Variants in ZNF626 observed in about 807,000 individuals in gnomAD.
ZNF626 encodes the protein zinc finger protein 626, also known as CTC-513N18.7.
ZNF626 carries 4 observed loss-of-function variants against 11.7 expected under a neutral mutation model. That is an observed-to-expected ratio of 0.34 (90% CI 0.17 to 0.78). The LOEUF is 0.78. Among genes scored for constraint, ZNF626 ranks in the 30% least tolerant of loss-of-function variants. The probability of loss-of-function intolerance (pLI) is 0.57; values close to 1 mark genes in which losing one functional copy is unlikely to be tolerated. For synonymous variants in ZNF626, 179 were observed against 198.6 expected (o/e 0.90, Z 0.83); for missense variants, 588 against 587.1 (o/e 1.00, Z -0.01).
intron 1 of ZNF626, among the ~76,000 whole-genome samples, chr19:20,658,890 T>C (rs902012302): frequency 6.6e-6 from 1 of 152,162 alleles, no homozygotes; most frequent in Non-Finnish European, 1.5e-5. Context: ...AAAACCTCCC[T>C]GAAGTTCAAT....
In ZNF626 at chr19:20,625,337, T is replaced by A. The variant is rs73002662; in HGVS notation, c.540A>T (p.Lys180Asn). The A allele has an allele frequency of 1.9e-6, 3 of 1,613,724 alleles. No homozygotes were observed. Among genetic ancestry groups the A allele is most frequent in the Non-Finnish European group, 2.5e-6 (3 of 1,179,880 alleles). The change falls in exon 4 of 4, where the codon AAA becomes AAT. Residue 180 changes from lysine to asparagine, a missense_variant. Physicochemically the swap from Lys to Asn is moderately conservative, Grantham distance 94. Coordinates refer to ENST00000601440, the MANE Select transcript of ZNF626 (RefSeq NM_001076675.3). The part of the protein sequence containing the change: ...KKPFKYIECG[K>N]AFKQFSTLTT... ...TAAGAGTTGAGAACTGCTTAAAAGC[T>A]TTGCCACATTCTATATATTTGAAAG...
chr19:20,639,146 G>C (rs562871476), intron 3 of ZNF626, among the ~76,000 whole-genome samples: 1 of 152,166 alleles, frequency 6.6e-6, no homozygotes, highest in African/African-American at 2.4e-5. Flanking sequence ...TTCTTTTAAG[G>C]AACCTACTCT....
intron 1 of ZNF626, among the ~76,000 whole-genome samples, chr19:20,648,945 A>G (rs1970115648): frequency 1.3e-5 from 2 of 152,254 alleles, no homozygotes; most frequent in South Asian, 4.1e-4. Flanking sequence ...AATATTTTTC[A>G]GACTCTTGAC....
intron 3 of ZNF626, among the ~76,000 whole-genome samples, chr19:20,632,483 G>A (rs1354935740): frequency 3.3e-5 from 5 of 152,086 alleles, no homozygotes; most frequent in African/African-American, 7.2e-5. Flanking sequence ...GGCTTTGTTC[G>A]TTTCTTTTTA....
chr19:20,633,633 G>T (rs576007378), intron 3 of ZNF626, among the ~76,000 whole-genome samples: 1 of 152,160 alleles, frequency 6.6e-6, no homozygotes, highest in Non-Finnish European at 1.5e-5. Context: ...TTTTAAGCCC[G>T]TTGGAAAAGC....
Position 20,624,199 on chromosome 19 carries a change from G to T in ZNF626, c.*91C>A. ...TTCACATCTGTAGGGTTTTTTTCCA[G>T]TATGAATTTTCTTATGTGTAGTAAG... is the stretch of plus-strand genomic sequence containing the variant. On this transcript the variant is annotated 3_prime_UTR_variant, in exon 4 of 4. Transcript: ENST00000601440. 1 of 1,600,714 alleles carries T rather than the reference G, an allele frequency of 6.2e-7. No individual in the cohort carries two copies. Among genetic ancestry groups the T allele is most frequent in the Non-Finnish European group, 8.6e-7 (1 of 1,169,230 alleles).
rs183189489 is a variant in ZNF626, at chr19:20,652,425, C to T, written c.4-6020G>A. Among the ~76,000 whole-genome samples the T allele has an allele frequency of 9.9e-5, 15 of 152,178 alleles. No homozygotes were observed. The East Asian group carries it at 2.7e-3, about 27-fold the overall frequency. ...CTGGAATCTACACTTTGAGTAGCAG[C>T]ATTTACAAGAAGATTTGTAAAGACA... is the stretch of plus-strand genomic sequence containing the variant. On this transcript the variant is annotated intron_variant, in intron 1 of 3. Coordinates refer to ENST00000601440, the MANE Select transcript of ZNF626 (RefSeq NM_001076675.3).
At chr19:20,643,027 AAT>A (rs2144781491) in intron 3 of ZNF626, among the ~76,000 whole-genome samples, 1 of 148,616 alleles carries the variant, frequency 6.7e-6, no homozygotes, top group East Asian at 2.1e-4. Flanking sequence ...AAAAAAAAAA[AAT>A]TTGTTGAAGT....
chr19:20,637,038 A>AAAAC (rs1969973898), intron 3 of ZNF626, among the ~76,000 whole-genome samples: 5 of 149,014 alleles, frequency 3.4e-5, no homozygotes, highest in Admixed American at 2.0e-4. Context: ...AAAAAAAAAA[A>AAAAC]GGCCCAGTGC....
rs898660631 is a variant in ZNF626, at chr19:20,661,523, G to C, written c.-77C>G. The C allele has an allele frequency of 5.4e-6, 8 of 1,485,416 alleles. No homozygotes were observed. Among genetic ancestry groups the C allele is most frequent in the Admixed American group, 2.0e-5 (1 of 50,058 alleles). 92.0% of individuals were successfully genotyped at this position (1,485,416 alleles called of 1,614,324 possible). On this transcript the variant is annotated 5_prime_UTR_variant, in exon 1 of 4. Transcript: ENST00000601440. ...GCAGGACACGGGGCCACACAGCCTG[G>C]GCCTTTAGGAGAAGAACCAGACCTG...
intron 3 of ZNF626, among the ~76,000 whole-genome samples, chr19:20,635,614 C>T (rs1485667960): frequency 6.6e-6 from 1 of 152,138 alleles, no homozygotes; most frequent in African/African-American, 2.4e-5. Flanking sequence ...AGCCACCGCG[C>T]CCAGCCTAGA....
intron 3 of ZNF626, among the ~76,000 whole-genome samples, chr19:20,634,857 C>T (rs1356065092): frequency 6.6e-6 from 1 of 151,694 alleles, no homozygotes; most frequent in East Asian, 1.9e-4. Context: ...GATTTCTAAA[C>T]ACATCAAAAA....
intron 1 of ZNF626, among the ~76,000 whole-genome samples, chr19:20,648,402 A>G (rs1216300241): frequency 2.6e-4 from 37 of 143,876 alleles, no homozygotes; most frequent in African/African-American, 9.5e-4. Context: ...TCTGAGATGG[A>G]GTCTGGCTCT....
chr19:20,624,449 A>C lies in ZNF626; in HGVS notation c.1428T>G (p.Thr476=), dbSNP rs1287167288. 8 of 501,486 alleles carry C rather than the reference A, an allele frequency of 1.6e-5. No homozygotes were observed. Among genetic ancestry groups the C allele is most frequent in the South Asian group, 1.1e-4 (4 of 36,156 alleles). The allele number at this position is 501,486 out of a possible 1,614,324, so 31.1% of individuals were successfully genotyped here. ...CTTCACATTTGTAGGGTCTCTCTCC[A>C]GTATGAATTTTCTTATGTGTAGTAA... The part of the protein sequence containing the change: ...SNLTTHKKIH[T]GERPYKCEEC... The change falls in exon 4 of 4, where the codon ACT becomes ACG. Residue 476 remains threonine (T), a synonymous_variant. Coordinates refer to ENST00000601440, the MANE Select transcript of ZNF626 (RefSeq NM_001076675.3).
At position 20,629,837 on chromosome 19, in the gene ZNF626, G is replaced by T. The variant is rs11085367; in HGVS notation, c.227-4187C>A. Among the ~76,000 whole-genome samples the T allele has an allele frequency of 9.9e-5, 15 of 152,042 alleles. No individual in the cohort carries two copies. The East Asian group carries it at 1.9e-3, about 20-fold the overall frequency. ...TATGTTGAATAGGAGTGGTGAGAGA[G>T]GGCATCCCTGTCTTGTGCCAGTTTT... On this transcript the variant is annotated intron_variant, in intron 3 of 3. Transcript: ENST00000601440.
intron 3 of ZNF626, among the ~76,000 whole-genome samples, chr19:20,638,298 A>T (rs8110124): frequency 0.45 from 67,661 of 151,126 alleles, 16,330 homozygotes; most frequent in African/African-American, 0.64. Flanking sequence ...GGTGGCGGGC[A>T]CCTGTAATCC....
chr19:20,656,839 T>G (rs559762970), intron 1 of ZNF626, among the ~76,000 whole-genome samples: 2 of 152,296 alleles, frequency 1.3e-5, no homozygotes, highest in South Asian at 4.1e-4. Context: ...CTTATACTCT[T>G]CTGGTGGGAG....
intron 1 of ZNF626, among the ~76,000 whole-genome samples, chr19:20,658,654 A>C (rs1970231343): frequency 6.6e-6 from 1 of 152,112 alleles, no homozygotes; most frequent in Non-Finnish European, 1.5e-5. Flanking sequence ...GTCTGGCCCC[A>C]GTGATATCTT....
At chr19:20,655,934 CAA>C (rs59003455) in intron 1 of ZNF626, among the ~76,000 whole-genome samples, 1 of 129,708 alleles carries the variant, frequency 7.7e-6, no homozygotes, top group African/African-American at 2.9e-5. Flanking sequence ...GACTTTGCCT[CAA>C]AAAAAAAAAA....
Sources: allele counts gnomAD v4.1 joint callset (sites outside exome capture counted in the v4.1 genomes callset), GRCh38; gene constraint gnomAD v4.1.1; transcripts MANE v1.5; gene names NCBI Gene and HGNC (gene_info 2026-07-23, HGNC 2026-07-21).